Variants in GOLGA3 observed in about 807,000 individuals in gnomAD.
GOLGA3 encodes the protein golgin subfamily A member 3.
GOLGA3 carries 75 observed loss-of-function variants against 169.4 expected under a neutral mutation model. The ratio of observed to expected loss-of-function variants is 0.44; its 90% CI spans 0.37 to 0.54. GOLGA3 has a LOEUF of 0.54. Among genes scored for constraint, GOLGA3 ranks in the 20% least tolerant of loss-of-function variants. GOLGA3 has a pLI of 0.00. For synonymous variants in GOLGA3, 824 were observed against 822.4 expected (o/e 1.00, Z -0.03); for missense variants, 1,899 against 1,930.0 (o/e 0.98, Z 0.30).
rs770993011 is a variant in GOLGA3, at chr12:132,770,530, A to AG, written c.*2574dup. 81 of 152,086 alleles carry AG rather than the reference A, an allele frequency of 5.3e-4. 1 individual carries two copies. Among genetic ancestry groups the AG allele is most frequent in the Non-Finnish European group, 2.9e-4 (20 of 68,028 alleles). The allele number at this position is 152,086 out of a possible 1,614,324, so 9.4% of individuals were successfully genotyped here. A position where few individuals can be genotyped will look rare whatever the true frequency, so the allele number is the denominator to read the frequency against. ...ATTTTCAGAATTAGTCTGTCCTAAG[A>AG]GAAAAAAAAATACATGGTGAACATC... is the stretch of plus-strand genomic sequence containing the variant. On this transcript the variant is annotated 3_prime_UTR_variant, in exon 24 of 24. Coordinates refer to ENST00000450791, the MANE Select transcript of GOLGA3 (RefSeq NM_001389683.1).
intron 11 of GOLGA3, among the ~76,000 whole-genome samples, chr12:132,792,758 G>A (rs56916339): frequency 0.34 from 19,221 of 56,688 alleles, 3,872 homozygotes; most frequent in Non-Finnish European, 0.43. Context: ...GGCTCCACAC[G>A]GACTGACCGC....
rs1209792831 is a variant in GOLGA3 at position 132,769,790 on chromosome 12, C to T, written c.*3315G>A. ...TAAGCAGTACTCCCAACTTCACTGCCTTTTCCGTGAGGATATTCCATCATT... is the reference window on the plus strand; with the variant it reads ...TAAGCAGTACTCCCAACTTCACTGCTTTTTCCGTGAGGATATTCCATCATT... On this transcript the variant is annotated 3_prime_UTR_variant, in exon 24 of 24. Transcript: ENST00000450791. 1 of 152,182 alleles carries T rather than the reference C, an allele frequency of 6.6e-6. No individual in the cohort carries two copies. Among genetic ancestry groups the T allele is most frequent in the African/African-American group, 2.4e-5 (1 of 41,440 alleles). 9.4% of individuals were successfully genotyped at this position (152,182 alleles called of 1,614,324 possible). A position where few individuals can be genotyped will look rare whatever the true frequency, so the allele number is the denominator to read the frequency against.
intron 4 of GOLGA3, among the ~76,000 whole-genome samples, chr12:132,812,194 C>CAA (rs1247030366): frequency 1.3e-4 from 15 of 113,810 alleles, no homozygotes; most frequent in Middle Eastern, 4.1e-3. Flanking sequence ...TCTCAAAATA[C>CAA]ACACACACAC....
chr12:132,803,431 T>C (rs903305116), intron 7 of GOLGA3, among the ~76,000 whole-genome samples: 2 of 152,194 alleles, frequency 1.3e-5, no homozygotes, highest in Non-Finnish European at 2.9e-5. Flanking sequence ...AGGGTATCCG[T>C]GTGGCTAATT....
intron 1 of GOLGA3, among the ~76,000 whole-genome samples, chr12:132,825,341 C>T (rs564467910): frequency 2.0e-5 from 3 of 152,176 alleles, no homozygotes; most frequent in African/African-American, 4.8e-5. Flanking sequence ...CACCACAGCA[C>T]GTCATGTCTG....
intron 8 of GOLGA3, 27 bp downstream of exon 8, chr12:132,801,740 G>A (rs752904379): frequency 1.3e-6 from 2 of 1,594,354 alleles, no homozygotes; most frequent in Admixed American, 1.7e-5. Context: ...AGCGTGACCT[G>A]CCCTGGAAGG....
At chr12:132,820,453 G>C (rs1392422332) in intron 2 of GOLGA3, among the ~76,000 whole-genome samples, 2 of 152,188 alleles carry the variant, frequency 1.3e-5, no homozygotes, top group African/African-American at 2.4e-5. Context: ...CAGGTTCCAC[G>C]GCCGCGGGTC....
At chr12:132,776,005 G>A (rs533161256) in intron 21 of GOLGA3, among the ~76,000 whole-genome samples, 12 of 152,366 alleles carry the variant, frequency 7.9e-5, no homozygotes, top group East Asian at 1.9e-4. Context: ...CTGTCCTGCC[G>A]CATGACGTGG....
intron 1 of GOLGA3, chr12:132,827,741 C>T (rs576905927): frequency 1.8e-4 from 27 of 152,068 alleles, no homozygotes; most frequent in Non-Finnish European, 3.2e-4. Context: ...GGTTATAAAG[C>T]GCTATGTTGA....
chr12:132,802,531 G>A (rs527701473), intron 7 of GOLGA3, among the ~76,000 whole-genome samples: 23 of 152,214 alleles, frequency 1.5e-4, no homozygotes, highest in African/African-American at 4.1e-4. Context: ...AGGCTGAGGC[G>A]GGCGGATCCC....
intron 5 of GOLGA3, among the ~76,000 whole-genome samples, chr12:132,807,536 C>T (rs1486045957): frequency 6.6e-6 from 1 of 152,162 alleles, no homozygotes; most frequent in African/African-American, 2.4e-5. Context: ...AGCTTAGTGA[C>T]AAGTCTATGT....
chr12:132,788,479 C>T lies in GOLGA3; in HGVS notation c.2811+548G>A, dbSNP rs78175014. Among the ~76,000 whole-genome samples, 1,486 of 152,262 alleles carry T rather than the reference C, an allele frequency of 9.8e-3. 12 individuals are homozygous for T. Among genetic ancestry groups the T allele is most frequent in the Non-Finnish European group, 0.017 (1,123 of 68,024 alleles). Reference sequence around the variant, plus strand: ...CCTCTACCCCTCACCTGCTCTGCTACCTGCAGCCGAGAAACTGTCACCAGC... The same window carrying T: ...CCTCTACCCCTCACCTGCTCTGCTATCTGCAGCCGAGAAACTGTCACCAGC... On this transcript the variant is annotated intron_variant, in intron 13 of 23. Coordinates refer to ENST00000450791, the MANE Select transcript of GOLGA3 (RefSeq NM_001389683.1).
chr12:132,784,378 G>A (rs1009320), intron 15 of GOLGA3, 71 bp from the exon 16 acceptor site: 547,358 of 1,342,148 alleles, frequency 0.41, 115,814 homozygotes, highest in East Asian at 0.63. Context: ...CTGTGGTGCC[G>A]GCAGGCATGA....
rs1949304599 is a variant in GOLGA3, at chr12:132,804,720, G to C, written c.1593C>G (p.Asn531Lys). The C allele has an allele frequency of 6.2e-7, 1 of 1,611,778 alleles. No homozygotes were observed. The highest frequency in any genetic ancestry group is 8.5e-7 in the Non-Finnish European group (1 of 1,178,232). The stretch of plus-strand genomic sequence containing the variant: ...CGTGGCCAGGGCCAGCCTCACCTGT[G>C]TTGTCCTTGCTGAGCATGCTCCTCT... The part of the protein sequence containing the change: ...DMQRSMLSKD[N>K]TVHDLRQQMT... The change falls in exon 7 of 24, where the codon AAC becomes AAG. Residue 531 changes from asparagine to lysine, a missense_variant. By Grantham distance (94) the Asn-to-Lys change is moderately conservative. Coordinates refer to ENST00000450791, the MANE Select transcript of GOLGA3 (RefSeq NM_001389683.1). This position sits in a 1 kb window ranked among gnomAD's most constrained non-coding sequence, Gnocchi z 4.1.
chr12:132,826,185 G>C (rs1950408377), intron 1 of GOLGA3: 2 of 1,581,650 alleles, frequency 1.3e-6, no homozygotes, highest in Non-Finnish European at 1.7e-6. Context: ...CAGAAGTTCT[G>C]AGGCTGGACA....
chr12:132,808,452 A>C lies in GOLGA3; in HGVS notation c.617T>G (p.Met206Arg), dbSNP rs777460730. 13 of 1,614,126 alleles carry C rather than the reference A, an allele frequency of 8.1e-6. No homozygotes were observed. Among genetic ancestry groups the C allele is most frequent in the Non-Finnish European group, 1.0e-5 (12 of 1,179,996 alleles). Residue 206 changes from methionine (M) to arginine (R), a missense_variant, in exon 5 of 24, where the codon ATG becomes AGG. Physicochemically the swap from Met to Arg is moderately conservative, Grantham distance 91. Transcript: ENST00000450791. ...GCGCAGGAAGGAATATTCTTTTGTC[A>C]TAGCCAGGGTACTGGCCCTTGGTAA... ...ENLPRASTLA[M>R]TKEYSFLRTS...
At chr12:132,784,483 GCACACGATGA>G (rs1365708434) in intron 15 of GOLGA3, among the ~76,000 whole-genome samples, 176 bp from the exon 16 acceptor site, 2 of 152,206 alleles carry the variant, frequency 1.3e-5, no homozygotes, top group Admixed American at 1.3e-4. Context: ...ACCACAGCAT[GCACACGATGA>G]CACACGGGGA....
chr12:132,811,501 C>T (rs1949706390), intron 4 of GOLGA3, among the ~76,000 whole-genome samples: 1 of 151,172 alleles, frequency 6.6e-6, no homozygotes, highest in Non-Finnish European at 1.5e-5. Flanking sequence ...TTGAGATGGA[C>T]CCAGGCTGGA....
chr12:132,791,173 C>A, intron 12 of GOLGA3, 43 bp downstream of exon 12: 2 of 1,068,094 alleles, frequency 1.9e-6, no homozygotes, highest in South Asian at 2.5e-5. Context: ...AAACTCTGTT[C>A]ATATGCTTGT....
Sources: gnomAD v4.1 joint callset for allele counts (sites outside exome capture counted in the v4.1 genomes callset) on GRCh38, gnomAD v4.1.1 for gene constraint, Gnocchi (gnomAD v3.1) non-coding constraint, MANE v1.5 for transcripts, NCBI Gene and HGNC (gene_info 2026-07-23, HGNC 2026-07-21) for gene names.